Variants in HECW1 observed in about 807,000 individuals in gnomAD.
HECW1 encodes E3 ubiquitin-protein ligase HECW1.
In HECW1, 61 loss-of-function variants were observed where a neutral mutation model predicts 182.3. The observed-to-expected ratio is 0.33, with a 90% confidence interval of 0.27 to 0.41. HECW1 has a LOEUF of 0.41. Among genes scored for constraint, HECW1 ranks in the 10% least tolerant of loss-of-function variants. HECW1 has a pLI of 1.00. For missense variants in HECW1, 1,739 were observed against 2,108.9 expected, an observed-to-expected ratio of 0.82 and a Z score of 3.44; for synonymous variants, 859 against 832.6, an observed-to-expected ratio of 1.03 and a Z score of -0.55.
intron 24 of HECW1, among the ~76,000 whole-genome samples, chr7:43,528,346 C>T (rs1340464929): frequency 6.6e-6 from 1 of 152,102 alleles, no homozygotes; most frequent in South Asian, 2.1e-4. Flanking sequence ...GGGTAATGTT[C>T]TCTATATTTA....
chr7:43,137,527 CTTTT>C lies in HECW1; in HGVS notation c.-32+23137_-32+23140del, dbSNP rs1421624220. 1.2e-3 allele frequency among the ~76,000 whole-genome samples: 159 copies of C among 137,430 alleles called. 2 individuals carry two copies. In the South Asian group the frequency reaches 0.016, roughly 14 times the overall value. The allele number at this position is 137,430 out of a possible 152,430, so 90.2% of individuals were successfully genotyped here. On this transcript the variant is annotated intron_variant, in intron 2 of 29. Transcript: ENST00000395891. The stretch of plus-strand genomic sequence containing the variant: ...TTCTGCCTGGAATGCTTTCTGCCTT[CTTTT>C]ATTTATTTATTTATTTATTTATTTA...
At chr7:43,458,151 C>T (rs867253755) in intron 13 of HECW1, among the ~76,000 whole-genome samples, 19 of 152,206 alleles carry the variant, frequency 1.2e-4, no homozygotes, top group South Asian at 8.3e-4. Flanking sequence ...ACACAGTAAG[C>T]TCATCTTACA....
chr7:43,304,459 GTTATTTATTTAT>G (rs61241516), intron 3 of HECW1, among the ~76,000 whole-genome samples: 3,418 of 141,350 alleles, frequency 0.024, 118 homozygotes, highest in East Asian at 0.19. Context: ...ATTCAACACA[GTTATTTATTTAT>G]TTATTTATTT....
intron 8 of HECW1, among the ~76,000 whole-genome samples, chr7:43,420,075 C>CTTCAAA (rs2076132399): frequency 6.6e-6 from 1 of 152,194 alleles, no homozygotes; most frequent in Non-Finnish European, 1.5e-5. Context: ...AGGCTATGAC[C>CTTCAAA]TAATGCTTAC....
chr7:43,513,527 C>T lies in HECW1; in HGVS notation c.4019+4406C>T, dbSNP rs2079982976. On this transcript the variant is annotated intron_variant, in intron 24 of 29. Transcript: ENST00000395891. ...GGCTTTGTATCCATTGGAATAGAGC[C>T]AGCTTAATCAAAAGCCCTAGCAGGG... 2.6e-5 allele frequency among the ~76,000 whole-genome samples: 4 copies of T among 152,178 alleles called. No homozygotes were observed. In the South Asian group the frequency reaches 6.2e-4, roughly 24 times the overall value.
chr7:43,536,694 C>T (rs1034184852), intron 24 of HECW1, among the ~76,000 whole-genome samples: 4 of 152,144 alleles, frequency 2.6e-5, no homozygotes, highest in Non-Finnish European at 5.9e-5. Context: ...CCAGGGTGCC[C>T]AACACAGCCT....
intron 2 of HECW1, among the ~76,000 whole-genome samples, chr7:43,166,616 C>T (rs563276900): frequency 1.3e-5 from 2 of 152,260 alleles, no homozygotes; most frequent in Non-Finnish European, 2.9e-5. Flanking sequence ...TTGTTTATTT[C>T]ACATTGTACA....
chr7:43,149,477 A>C (rs1313181331), intron 2 of HECW1, among the ~76,000 whole-genome samples: 1 of 152,226 alleles, frequency 6.6e-6, no homozygotes, highest in Non-Finnish European at 1.5e-5. Flanking sequence ...GGATTAGAGG[A>C]GAGCAAGGAG....
Position 43,414,624 on chromosome 7 carries a change from TGTCCCATC to T in HECW1, c.801+6894_801+6901del, listed in dbSNP as rs551728952. 2.0e-3 allele frequency among the ~76,000 whole-genome samples: 302 copies of T among 151,720 alleles called. 2 individuals are homozygous for T. Among genetic ancestry groups the T allele is most frequent in the Non-Finnish European group, 3.8e-3 (259 of 67,928 alleles). Reference sequence around the variant, plus strand: ...AGACAGCTCTTATTATTTTGAAATATGTCCCATCAATACCTAATTTATTGAGAGTTTTT... The same window carrying T: ...AGACAGCTCTTATTATTTTGAAATATAATACCTAATTTATTGAGAGTTTTT... On this transcript the variant is annotated intron_variant, in intron 8 of 29. Coordinates refer to ENST00000395891, the MANE Select transcript of HECW1 (RefSeq NM_015052.5).
intron 2 of HECW1, among the ~76,000 whole-genome samples, chr7:43,175,286 T>C (rs1222653901): frequency 6.6e-6 from 1 of 152,194 alleles, no homozygotes; most frequent in Non-Finnish European, 1.5e-5. Flanking sequence ...CAGAATCCAC[T>C]CTCAGCAATT....
intron 3 of HECW1, among the ~76,000 whole-genome samples, chr7:43,296,030 C>T (rs1303632055): frequency 6.6e-6 from 1 of 152,038 alleles, no homozygotes; most frequent in Non-Finnish European, 1.5e-5. Flanking sequence ...CCTAAAGTTA[C>T]AAAAATAGAA....
At chr7:43,146,550 T>C (rs760681270) in intron 2 of HECW1, among the ~76,000 whole-genome samples, 20 of 152,358 alleles carry the variant, frequency 1.3e-4, no homozygotes, top group African/African-American at 2.9e-4. Flanking sequence ...ACATTTACAG[T>C]TGGACCTGGA....
chr7:43,276,454 T>A (rs1339959275), intron 3 of HECW1, among the ~76,000 whole-genome samples: 8 of 135,440 alleles, frequency 5.9e-5, no homozygotes, highest in African/African-American at 2.5e-4. Context: ...TTTTAAAAAA[T>A]ATATAGGTAA....
intron 2 of HECW1, among the ~76,000 whole-genome samples, chr7:43,195,409 G>A (rs142535751): frequency 1.6e-3 from 250 of 152,300 alleles, no homozygotes; most frequent in African/African-American, 5.7e-3. Flanking sequence ...CCCTGGGCAA[G>A]GCTGGCTGCC....
chr7:43,393,112 A>G (rs765378402), intron 6 of HECW1, among the ~76,000 whole-genome samples: 2 of 152,166 alleles, frequency 1.3e-5, no homozygotes, highest in Non-Finnish European at 2.9e-5. Context: ...ACCATTTGCC[A>G]AGTATGCTCT....
chr7:43,477,448 A>C (rs1396472826), intron 16 of HECW1, among the ~76,000 whole-genome samples: 1 of 152,210 alleles, frequency 6.6e-6, no homozygotes, highest in Non-Finnish European at 1.5e-5. Flanking sequence ...AGGTTAGCTT[A>C]CACTTGTGTG....
At chr7:43,135,514 C>G (rs1787428864) in intron 2 of HECW1, among the ~76,000 whole-genome samples, 1 of 152,156 alleles carries the variant, frequency 6.6e-6, no homozygotes, top group Non-Finnish European at 1.5e-5. Context: ...CTCTGGACTT[C>G]TTGCCACATA....
At chr7:43,135,148 G>C (rs1367696655) in intron 2 of HECW1, among the ~76,000 whole-genome samples, 1 of 151,940 alleles carries the variant, frequency 6.6e-6, no homozygotes, top group African/African-American at 2.4e-5. Context: ...TACTAACAGG[G>C]CCACGACTTA....
rs1243561777 is a variant in HECW1, at chr7:43,143,803, GC to G, written c.-32+29414del. Among the ~76,000 whole-genome samples the G allele has an allele frequency of 2.6e-5, 4 of 152,276 alleles. No individual in the cohort carries two copies. The South Asian group carries it at 8.3e-4, about 32-fold the overall frequency. On this transcript the variant is annotated intron_variant, in intron 2 of 29. Coordinates refer to ENST00000395891, the MANE Select transcript of HECW1 (RefSeq NM_015052.5). ...ACTGAGTTATTTGCCTTATTTGATG[GC>G]CACTTGGGGTGGGCACAAGACATTG... is the stretch of plus-strand genomic sequence containing the variant.
Sources: allele counts gnomAD v4.1 joint callset (sites outside exome capture counted in the v4.1 genomes callset), GRCh38; gene constraint gnomAD v4.1.1; transcripts MANE v1.5; gene names NCBI Gene and HGNC (gene_info 2026-07-23, HGNC 2026-07-21).